Variants in MALRD1 observed in about 807,000 individuals in gnomAD.
MALRD1 encodes MAM and LDL-receptor class A domain-containing protein 1.
Under a neutral mutation model 242.1 loss-of-function variants are expected in MALRD1, and 247 were observed. The ratio of observed to expected loss-of-function variants is 1.02; its 90% CI spans 0.92 to 1.13. The LOEUF is 1.13. Ranked by LOEUF, MALRD1 falls within the 50% of genes most tolerant of loss-of-function variation. The pLI, the probability that MALRD1 is intolerant of heterozygous loss-of-function variation, is 0.00. For missense variants in MALRD1, 2,989 were observed against 2,533.1 expected (o/e 1.18, Z -3.86); for synonymous variants, 995 against 866.6 (o/e 1.15, Z -2.60).
At chr10:19,263,042 T>G (rs1052559169) in intron 19 of MALRD1, among the ~76,000 whole-genome samples, 2 of 152,192 alleles carry the variant, frequency 1.3e-5, no homozygotes, top group Non-Finnish European at 2.9e-5. Context: ...TCTCCATACA[T>G]GTAAGTTGTT....
intron 34 of MALRD1, among the ~76,000 whole-genome samples, chr10:19,599,693 C>T (rs1440603998): frequency 6.6e-6 from 1 of 151,974 alleles, no homozygotes; most frequent in African/African-American, 2.4e-5. Context: ...CATAGCAAAG[C>T]CATAAGGGAT....
chr10:19,715,722 C>T lies in MALRD1; in HGVS notation c.6315-14984C>T, dbSNP rs555015476. Among the ~76,000 whole-genome samples, 34 of 152,246 alleles carry T rather than the reference C, an allele frequency of 2.2e-4. No individual in the cohort carries two copies. In the South Asian group the frequency reaches 6.4e-3, roughly 29 times the overall value. ...GCAGGCTGTACAAACAGCATGATGT[C>T]GGCATCTGCTTATGGTGAGGCCTCA... On this transcript the variant is annotated intron_variant, in intron 38 of 39. Transcript: ENST00000454679.
chr10:19,338,504 C>G (rs1250838472), intron 24 of MALRD1, among the ~76,000 whole-genome samples: 1 of 146,172 alleles, frequency 6.8e-6, no homozygotes, highest in African/African-American at 2.7e-5. Context: ...ATGTCTCAGA[C>G]TTTTGTAAAA....
chr10:19,730,733 C>G lies in MALRD1; in HGVS notation c.6342C>G (p.Ala2114=), dbSNP rs1157062809. 2.0e-6 allele frequency: 3 copies of G among 1,536,596 alleles called. No homozygotes were observed. The highest frequency in any genetic ancestry group is 2.6e-6 in the Non-Finnish European group (3 of 1,147,016). The part of the protein sequence containing the change: ...IRKTEGSGNC[A]FVNPVYGNWS... ...AAACCGAGGGAAGTGGTAACTGTGC[C>G]TTTGTCAATCCAGTTTACGGGAACT... Residue 2114 remains alanine (A), a synonymous_variant, in exon 39 of 40, where the codon GCC becomes GCG. Coordinates refer to ENST00000454679, the MANE Select transcript of MALRD1 (RefSeq NM_001142308.3).
intron 24 of MALRD1, among the ~76,000 whole-genome samples, chr10:19,345,104 G>A (rs1016872594): frequency 2.0e-5 from 3 of 152,200 alleles, no homozygotes; most frequent in Non-Finnish European, 2.9e-5. Context: ...TCACAGTGAC[G>A]TGAAATTCAA....
chr10:19,076,151 C>A (rs962670465), intron 2 of MALRD1, among the ~76,000 whole-genome samples: 3 of 151,842 alleles, frequency 2.0e-5, no homozygotes, highest in Admixed American at 6.6e-5. Flanking sequence ...CATTGCTTCC[C>A]TTTAGATCAT....
At chr10:19,417,693 A>T (rs114083315) in intron 28 of MALRD1, among the ~76,000 whole-genome samples, 1,916 of 152,308 alleles carry the variant, frequency 0.013, 34 homozygotes, top group African/African-American at 0.043. Flanking sequence ...TGAGGGTCAC[A>T]TCAGCATTCC....
intron 14 of MALRD1, among the ~76,000 whole-genome samples, chr10:19,195,097 C>G (rs2131593971): frequency 6.6e-6 from 1 of 152,342 alleles, no homozygotes; most frequent in South Asian, 2.1e-4. Flanking sequence ...TGTGACCCCA[C>G]TGCCTGTTAG....
chr10:19,256,233 T>C (rs962880926), intron 18 of MALRD1, among the ~76,000 whole-genome samples: 1 of 152,098 alleles, frequency 6.6e-6, no homozygotes. Context: ...GGGATTTACA[T>C]GTATGGGTAC....
At position 19,374,205 on chromosome 10, in the gene MALRD1, G is replaced by C. The variant is rs146932747; in HGVS notation, c.4442-13323G>C. Among the ~76,000 whole-genome samples, 227 of 152,234 alleles carry C rather than the reference G, an allele frequency of 1.5e-3. 1 individual carries two copies. The highest frequency in any genetic ancestry group is 5.1e-3 in the African/African-American group (212 of 41,540). On this transcript the variant is annotated intron_variant, in intron 26 of 39. Coordinates refer to ENST00000454679, the MANE Select transcript of MALRD1 (RefSeq NM_001142308.3). ...CTTAGTAATTTAGACTGCATGCATA[G>C]TACAATGAAGTACTAATGTAGAAAT...
Position 19,507,331 on chromosome 10 carries a change from C to T in MALRD1, c.5320+8685C>T, listed in dbSNP as rs75037880. Among the ~76,000 whole-genome samples the T allele has an allele frequency of 2.7e-3, 411 of 152,014 alleles. 8 individuals are homozygous for T. The East Asian group carries it at 0.049, about 18-fold the overall frequency. On this transcript the variant is annotated intron_variant, in intron 31 of 39. Transcript: ENST00000454679. The stretch of plus-strand genomic sequence containing the variant: ...TAGGAGTTCATTAGTCTATTATTTC[C>T]GCTTTGGTATAAATGTAAAAATTTT...
intron 7 of MALRD1, among the ~76,000 whole-genome samples, chr10:19,127,749 T>A (rs1837327770): frequency 6.6e-6 from 1 of 151,588 alleles, no homozygotes; most frequent in Admixed American, 6.6e-5. Flanking sequence ...TCTATGTGGC[T>A]TGGTAAGAAA....
chr10:19,720,828 C>T (rs1244060664), intron 38 of MALRD1, among the ~76,000 whole-genome samples: 5 of 152,014 alleles, frequency 3.3e-5, no homozygotes, highest in South Asian at 4.2e-4. Context: ...AAAAAATGGA[C>T]GGTAAATGAT....
At chr10:19,622,607 C>T (rs973715127) in intron 36 of MALRD1, among the ~76,000 whole-genome samples, 2 of 149,022 alleles carry the variant, frequency 1.3e-5, no homozygotes, top group African/African-American at 2.5e-5. Flanking sequence ...ATATTGCATT[C>T]GTATGGAGAA....
chr10:19,718,110 AGAAGAAGAAGAAGAAGAG>A (rs1174244607), intron 38 of MALRD1, among the ~76,000 whole-genome samples: 1 of 27,480 alleles, frequency 3.6e-5, no homozygotes, highest in Non-Finnish European at 6.6e-5. Flanking sequence ...AGGAAGAGGA[AGAAGAAGAAGAAGAAGAG>A]GAAGAAGAGG....
intron 38 of MALRD1, among the ~76,000 whole-genome samples, chr10:19,730,359 G>T (rs1349074169): frequency 6.6e-6 from 1 of 152,158 alleles, no homozygotes; most frequent in Non-Finnish European, 1.5e-5. Flanking sequence ...CACTAGTACA[G>T]CTTCATATTA....
intron 31 of MALRD1, among the ~76,000 whole-genome samples, chr10:19,526,242 A>C (rs1453212568): frequency 2.0e-5 from 3 of 152,152 alleles, no homozygotes; most frequent in African/African-American, 7.2e-5. Flanking sequence ...TTCTGAAAGT[A>C]TAATTCAATG....
intron 28 of MALRD1, among the ~76,000 whole-genome samples, chr10:19,414,444 T>A (rs1296116202): frequency 2.0e-5 from 3 of 152,166 alleles, no homozygotes; most frequent in Non-Finnish European, 4.4e-5. Context: ...TTTGAGTTAT[T>A]GGGGTAAAAC....
chr10:19,684,757 C>CAAAT (rs950847105), intron 36 of MALRD1, among the ~76,000 whole-genome samples: 9 of 152,080 alleles, frequency 5.9e-5, no homozygotes, highest in South Asian at 4.2e-4. Flanking sequence ...AACTCAAAAA[C>CAAAT]AAATAAATAA....
Sources: allele counts gnomAD v4.1 joint callset (sites outside exome capture counted in the v4.1 genomes callset), GRCh38; gene constraint gnomAD v4.1.1; transcripts MANE v1.5; gene names NCBI Gene and HGNC (gene_info 2026-07-23, HGNC 2026-07-21).